PEX26: variants seen among roughly 807,000 people sequenced by gnomAD.
PEX26 encodes the protein peroxisomal biogenesis factor 26, also known as peroxisome assembly protein 26.
In PEX26, 18 loss-of-function variants were observed where a neutral mutation model predicts 31.4. The observed-to-expected ratio is 0.57, with a 90% CI of 0.40 to 0.85. PEX26 has a LOEUF of 0.85. PEX26 is among the 40% of genes least tolerant of loss of function. PEX26 has a pLI of 0.00. For synonymous variants in PEX26, 176 were observed against 166.9 expected, an observed-to-expected ratio of 1.05 and a Z score of -0.42; for missense variants, 377 against 383.9, an observed-to-expected ratio of 0.98 and a Z score of 0.15.
chr22:18,084,740 GA>G (rs1926768307), intron 3 of PEX26, among the ~76,000 whole-genome samples: 1 of 70,142 alleles, frequency 1.4e-5, no homozygotes, highest in South Asian at 4.4e-4. Context: ...TTTTTTTTTT[GA>G]GACGGAGTTT....
At chr22:18,087,135 C>T (rs1001878133) in intron 4 of PEX26, among the ~76,000 whole-genome samples, 4 of 152,044 alleles carry the variant, frequency 2.6e-5, no homozygotes, top group Admixed American at 2.0e-4. Context: ...GTTGCAGTGG[C>T]GTGATCTCGG....
intron 2 of PEX26, among the ~76,000 whole-genome samples, chr22:18,081,237 T>TACACAC (rs1244269511): frequency 4.5e-5 from 3 of 66,212 alleles, no homozygotes; most frequent in African/African-American, 1.4e-4. Flanking sequence ...TACATATATG[T>TACACAC]ACACATATAC....
chr22:18,079,536 T>C (rs1419235039), intron 1 of PEX26, among the ~76,000 whole-genome samples: 1 of 152,224 alleles, frequency 6.6e-6, no homozygotes, highest in Non-Finnish European at 1.5e-5. Flanking sequence ...GAGCAAACTC[T>C]TAGTTCCAGC....
rs1031252316 is a variant in PEX26, at chr22:18,092,206, C to G, written c.*4131C>G. On this transcript the variant is annotated 3_prime_UTR_variant, in exon 5 of 5. Coordinates refer to ENST00000399744, the MANE Select transcript of PEX26 (RefSeq NM_001127649.3). ...TGTGGGAATTCTACTGATTTACTCTCTGGCCTAGTCAAGCAACCCACCCAC... is the reference window on the plus strand; with the variant it reads ...TGTGGGAATTCTACTGATTTACTCTGTGGCCTAGTCAAGCAACCCACCCAC... 1 of 152,422 alleles carries G rather than the reference C, an allele frequency of 6.6e-6. No individual in the cohort carries two copies. Among genetic ancestry groups the G allele is most frequent in the Non-Finnish European group, 1.5e-5 (1 of 68,066 alleles). The allele number at this position is 152,422 out of a possible 1,614,324, so 9.4% of individuals were successfully genotyped here.
In PEX26 at chr22:18,103,874, GAGTAGAAC is replaced by G. The variant is rs1927533275; in HGVS notation, c.*15803_*15810del. 6.6e-6 allele frequency: 1 copy of G among 152,230 alleles called. No individual in the cohort carries two copies. Among genetic ancestry groups the G allele is most frequent in the African/African-American group, 2.4e-5 (1 of 41,444 alleles). 9.4% of individuals were successfully genotyped at this position (152,230 alleles called of 1,614,324 possible). ...AAGTGCTGTGAAATCACCAAGGGCT[GAGTAGAAC>G]AGTTAAGACGATAGTAGTTGTTTTC... On this transcript the variant is annotated 3_prime_UTR_variant, in exon 5 of 5. Transcript: ENST00000399744.
rs1927535999 is a variant in PEX26 at position 18,103,939 on chromosome 22, A to G, written c.*15864A>G. 1 of 152,106 alleles carries G rather than the reference A, an allele frequency of 6.6e-6. No homozygotes were observed. The highest frequency in any genetic ancestry group is 1.5e-5 in the Non-Finnish European group (1 of 68,038). 9.4% of individuals were successfully genotyped at this position (152,106 alleles called of 1,614,324 possible). A position where few individuals can be genotyped will look rare whatever the true frequency, so the allele number is the denominator to read the frequency against. ...GGTTTTTCTCTTGGGCTGGTTTTTG[A>G]AAGTGGATCTACAACATTGATAGAG... On this transcript the variant is annotated 3_prime_UTR_variant, in exon 5 of 5. Coordinates refer to ENST00000399744, the MANE Select transcript of PEX26 (RefSeq NM_001127649.3).
intron 3 of PEX26, among the ~76,000 whole-genome samples, chr22:18,084,268 G>A (rs1209812263): frequency 2.7e-5 from 4 of 146,836 alleles, no homozygotes; most frequent in African/African-American, 7.7e-5. Context: ...TGTTTGAGAC[G>A]GAGTCTCGCT....
chr22:18,081,191 A>G (rs1423965912), intron 2 of PEX26, among the ~76,000 whole-genome samples: 2 of 150,896 alleles, frequency 1.3e-5, no homozygotes, highest in East Asian at 1.9e-4. Flanking sequence ...GTGTGTATAT[A>G]TATACACATA....
At chr22:18,086,148 A>G (rs1268371398) in intron 4 of PEX26, among the ~76,000 whole-genome samples, 2 of 151,840 alleles carry the variant, frequency 1.3e-5, no homozygotes, top group African/African-American at 4.8e-5. Context: ...AAATACAAAA[A>G]TTAGCCAGGT....
rs1174363294 is a variant in PEX26 at position 18,078,500 on chromosome 22, G to A, written c.124G>A (p.Ala42Thr). Residue 42 changes from alanine to threonine, a missense_variant, in exon 1 of 5, where the codon GCC becomes ACC. By Grantham distance (58) the Ala-to-Thr change is moderately conservative (BLOSUM62 0). Transcript: ENST00000399744. ...APAVDLLEEA[A>T]DLLVVHLDFR... Reference sequence around the variant, plus strand: ...GGCCGTGGACCTTCTGGAGGAGGCGGCCGACCTCCTGGTGGTGCACCTGGA... The same window carrying A: ...GGCCGTGGACCTTCTGGAGGAGGCGACCGACCTCCTGGTGGTGCACCTGGA... 1 of 1,570,574 alleles carries A rather than the reference G, an allele frequency of 6.4e-7. No individual in the cohort carries two copies. Among genetic ancestry groups the A allele is most frequent in the Non-Finnish European group, 8.6e-7 (1 of 1,161,288 alleles).
Position 18,100,026 on chromosome 22 carries a change from C to T in PEX26, c.*11951C>T, listed in dbSNP as rs913796643. On this transcript the variant is annotated 3_prime_UTR_variant, in exon 5 of 5. Coordinates refer to ENST00000399744, the MANE Select transcript of PEX26 (RefSeq NM_001127649.3). ...CAATCCCCTAATCCATGTTAGTAAC[C>T]ATGCAGTGTTCCTTCTTATTTCTAT... The T allele has an allele frequency of 2.0e-5, 3 of 152,100 alleles. No homozygotes were observed. Among genetic ancestry groups the T allele is most frequent in the Non-Finnish European group, 2.9e-5 (2 of 68,010 alleles). The allele number at this position is 152,100 out of a possible 1,614,324, so 9.4% of individuals were successfully genotyped here.
Position 18,099,508 on chromosome 22 carries a change from A to G in PEX26, c.*11433A>G, listed in dbSNP as rs144712577. ...CTTCAATATACATTCATATGTGCTTATTTTAAGCATATATCTACCAATTTG... is the reference window on the plus strand; with the variant it reads ...CTTCAATATACATTCATATGTGCTTGTTTTAAGCATATATCTACCAATTTG... On this transcript the variant is annotated 3_prime_UTR_variant, in exon 5 of 5. Transcript: ENST00000399744. The G allele has an allele frequency of 3.9e-4, 60 of 152,360 alleles. No individual in the cohort carries two copies. The highest frequency in any genetic ancestry group is 1.4e-3 in the African/African-American group (59 of 41,592). The allele number at this position is 152,360 out of a possible 1,614,324, so 9.4% of individuals were successfully genotyped here.
At chr22:18,087,931 GA>G in intron 4 of PEX26, 40 bp from the exon 5 acceptor site, 1 of 1,248,310 alleles carries the variant, frequency 8.0e-7, no homozygotes, top group Non-Finnish European at 1.2e-6. Context: ...TGACAGGTGA[GA>G]GGGGTGGGAC....
At position 18,081,243 on chromosome 22, in the gene PEX26, T is replaced by TACACACACACACACAC. The variant is rs1221829469; in HGVS notation, c.371+1230_371+1231insCACACACACACACACA. ...CACATAATATACATATATGTACACA[T>TACACACACACACACAC]ATACACACACACACACACACACACA... On this transcript the variant is annotated intron_variant, in intron 2 of 4. Transcript: ENST00000399744. 2.8e-3 allele frequency among the ~76,000 whole-genome samples: 173 copies of TACACACACACACACAC among 62,416 alleles called. 1 individual carries two copies. The highest frequency in any genetic ancestry group is 0.011 in the East Asian group (21 of 1,848). The allele number at this position is 62,416 out of a possible 152,430, so 40.9% of individuals were successfully genotyped here. A position where few individuals can be genotyped will look rare whatever the true frequency, so the allele number is the denominator to read the frequency against.
At chr22:18,080,142 T>C (rs987428762) in intron 2 of PEX26, 128 bp downstream of exon 2, 26 of 1,009,504 alleles carry the variant, frequency 2.6e-5, no homozygotes, top group Non-Finnish European at 3.8e-5. Flanking sequence ...CCCTTCACTT[T>C]TTTTTCCCCA....
intron 1 of PEX26, chr22:18,078,952 A>C: frequency 2.3e-6 from 1 of 431,230 alleles, no homozygotes; most frequent in Non-Finnish European, 4.4e-6. Context: ...GCCCCGCCCA[A>C]GGTTGTTTAT....
At position 18,103,360 on chromosome 22, in the gene PEX26, G is replaced by A. The variant is rs911422268; in HGVS notation, c.*15285G>A. Reference sequence around the variant, plus strand: ...GAAATGAGAAATACTCAAGGTCATGGGTATCCTGGATACCCTGAGTTGATC... The same window carrying A: ...GAAATGAGAAATACTCAAGGTCATGAGTATCCTGGATACCCTGAGTTGATC... On this transcript the variant is annotated 3_prime_UTR_variant, in exon 5 of 5. Coordinates refer to ENST00000399744, the MANE Select transcript of PEX26 (RefSeq NM_001127649.3). 6 of 151,970 alleles carry A rather than the reference G, an allele frequency of 3.9e-5. No homozygotes were observed. The highest frequency in any genetic ancestry group is 1.5e-4 in the African/African-American group (6 of 41,352). 9.4% of individuals were successfully genotyped at this position (151,970 alleles called of 1,614,324 possible).
chr22:18,078,319 C>T lies in PEX26; in HGVS notation c.-58C>T. On this transcript the variant is annotated 5_prime_UTR_variant, in exon 1 of 5. Transcript: ENST00000399744. The stretch of plus-strand genomic sequence containing the variant: ...AGGCCAACTCGGGATATCCCGGAGC[C>T]TCTGGGGAGGCGGTCACTCCGACGT... 7.8e-7 allele frequency: 1 copy of T among 1,276,508 alleles called. No homozygotes were observed. The allele number at this position is 1,276,508 out of a possible 1,614,324, so 79.1% of individuals were successfully genotyped here. A position where few individuals can be genotyped will look rare whatever the true frequency, so the allele number is the denominator to read the frequency against.
rs1182683932 is a variant in PEX26, at chr22:18,096,736, T to C, written c.*8661T>C. 3 of 152,206 alleles carry C rather than the reference T, an allele frequency of 2.0e-5. No homozygotes were observed. Among genetic ancestry groups the C allele is most frequent in the African/African-American group, 7.2e-5 (3 of 41,446 alleles). 9.4% of individuals were successfully genotyped at this position (152,206 alleles called of 1,614,324 possible). On this transcript the variant is annotated 3_prime_UTR_variant, in exon 5 of 5. Transcript: ENST00000399744. ...CCCGGCCGGCTCTGATTTCTTAAAGTGCTAAGCCTTTTTATATATTCATTT... is the reference window on the plus strand; with the variant it reads ...CCCGGCCGGCTCTGATTTCTTAAAGCGCTAAGCCTTTTTATATATTCATTT...
Sources: gnomAD v4.1 joint callset for allele counts (sites outside exome capture counted in the v4.1 genomes callset) on GRCh38, gnomAD v4.1.1 for gene constraint, MANE v1.5 for transcripts, NCBI Gene and HGNC (gene_info 2026-07-23, HGNC 2026-07-21) for gene names.